Variants in LDB3 observed in about 807,000 individuals in gnomAD.
LDB3 encodes the protein LIM domain-binding protein 3.
A neutral mutation model predicts 69.0 loss-of-function variants in LDB3; 49 were observed. That is an observed-to-expected ratio of 0.71 (90% CI 0.56 to 0.90). The LOEUF is 0.90. Among genes scored for constraint, LDB3 ranks in the 40% least tolerant of loss-of-function variants. The pLI is 0.00. For missense variants in LDB3, 928 were observed against 974.1 expected, an observed-to-expected ratio of 0.95 and a Z score of 0.63; for synonymous variants, 387 against 396.2, an observed-to-expected ratio of 0.98 and a Z score of 0.28.
intron 7 of LDB3, among the ~76,000 whole-genome samples, chr10:86,706,025 C>T: frequency 6.6e-6 from 1 of 152,170 alleles, no homozygotes; most frequent in East Asian, 1.9e-4. Context: ...GCCCTGAGTC[C>T]TTCCGAGCCC....
intron 7 of LDB3, 92 bp from the exon 8 acceptor site, chr10:86,706,439 C>T: frequency 7.2e-7 from 1 of 1,381,896 alleles, no homozygotes; most frequent in Non-Finnish European, 1.0e-6. Flanking sequence ...GCCCAGCCTG[C>T]CTCTGCTGCA....
chr10:86,686,084 G>A (rs1261882588), intron 5 of LDB3, among the ~76,000 whole-genome samples: 1 of 152,174 alleles, frequency 6.6e-6, no homozygotes, highest in African/African-American at 2.4e-5. Context: ...ACTGGATCTT[G>A]TCTGCCCGGG....
chr10:86,675,656 A>G (rs1294609663), intron 2 of LDB3, among the ~76,000 whole-genome samples: 2 of 152,262 alleles, frequency 1.3e-5, no homozygotes, highest in Non-Finnish European at 2.9e-5. Context: ...CGCCCTGGAA[A>G]GAAGTATGCT....
chr10:86,733,918 A>G lies in LDB3; in HGVS notation c.*942A>G, dbSNP rs1203800754. On this transcript the variant is annotated 3_prime_UTR_variant, in exon 14 of 14. Transcript: ENST00000361373. ...GCTCACTTATGACGTCTCCCCCAGT[A>G]CCCTCCATCTCAAATAGGCTTGGTG... 6.6e-6 allele frequency: 1 copy of G among 152,044 alleles called. No homozygotes were observed. Among genetic ancestry groups the G allele is most frequent in the Non-Finnish European group, 1.5e-5 (1 of 68,034 alleles). The allele number at this position is 152,044 out of a possible 1,614,324, so 9.4% of individuals were successfully genotyped here.
intron 7 of LDB3, among the ~76,000 whole-genome samples, chr10:86,693,040 T>C (rs1199361243): frequency 6.6e-6 from 1 of 152,148 alleles, no homozygotes; most frequent in Non-Finnish European, 1.5e-5. Flanking sequence ...CAGACCCACA[T>C]TGAGGTACCA....
At chr10:86,708,697 C>T (rs1257540489) in intron 8 of LDB3, among the ~76,000 whole-genome samples, 1 of 152,204 alleles carries the variant, frequency 6.6e-6, no homozygotes, top group Non-Finnish European at 1.5e-5. Context: ...GCCAGAAACT[C>T]GGCAGCTTGA....
Position 86,674,267 on chromosome 10 carries a change from C to T in LDB3, c.94-5100C>T, listed in dbSNP as rs138578947. 2.9e-3 allele frequency among the ~76,000 whole-genome samples: 436 copies of T among 152,306 alleles called. 2 individuals are homozygous for T. Among genetic ancestry groups the T allele is most frequent in the Non-Finnish European group, 4.2e-3 (287 of 68,032 alleles). On this transcript the variant is annotated intron_variant, in intron 2 of 13. Coordinates refer to ENST00000361373, the MANE Select transcript of LDB3 (RefSeq NM_007078.3). ...AACGACATAATCCTCACAACAATCC[C>T]GAGAAAGGCATTGTCATTCTCTTGA... is the stretch of plus-strand genomic sequence containing the variant.
At chr10:86,669,992 G>A (rs1844370725) in intron 2 of LDB3, among the ~76,000 whole-genome samples, 1 of 152,008 alleles carries the variant, frequency 6.6e-6, no homozygotes, top group South Asian at 2.1e-4. Flanking sequence ...AACCTGGGCA[G>A]CGGGTCAGGA....
In LDB3 at chr10:86,681,421, C is replaced by T. The variant is rs745496095; in HGVS notation, c.322-15C>T. The T allele has an allele frequency of 4.4e-6, 7 of 1,600,028 alleles. No homozygotes were observed. The East Asian group carries it at 1.3e-4, about 31-fold the overall frequency. Reference sequence around the variant, plus strand: ...GCTCTCTTCTCTCTCCCCTGCATGGCCTGCCCTGTGCCAGGACCCCGCTCT... The same window carrying T: ...GCTCTCTTCTCTCTCCCCTGCATGGTCTGCCCTGTGCCAGGACCCCGCTCT... On this transcript the variant is annotated splice_polypyrimidine_tract_variant and intron_variant, in intron 4 of 13. Coordinates refer to ENST00000361373, the MANE Select transcript of LDB3 (RefSeq NM_007078.3).
intron 3 of LDB3, among the ~76,000 whole-genome samples, chr10:86,679,837 C>T (rs1419760953): frequency 2.0e-5 from 3 of 152,204 alleles, no homozygotes; most frequent in South Asian, 4.1e-4. Flanking sequence ...AGTGACGTAG[C>T]AGGGGCCCAT....
intron 9 of LDB3, among the ~76,000 whole-genome samples, chr10:86,713,615 T>TTA (rs1418852745): frequency 6.6e-6 from 1 of 152,136 alleles, no homozygotes; most frequent in African/African-American, 2.4e-5. Context: ...CAGAACCCCC[T>TTA]TATATATAAC....
rs368053281 is a variant in LDB3, at chr10:86,706,626, C to T, written c.992C>T (p.Ala331Val). Residue 331 changes from alanine to valine, a missense_variant, in exon 8 of 14, where the codon GCG (alanine) becomes GTG (valine). By Grantham distance (64) the Ala-to-Val change is moderately conservative (BLOSUM62 0). Transcript: ENST00000361373. ...AQPPAAASPS[A>V]ASPPLATAAA... is the part of the protein sequence containing the mutation. ...CCACCTGCTGCTGCCTCTCCCAGTGCGGCTTCGCCACCCCTGGCCACAGCT... is the reference window on the plus strand; with the variant it reads ...CCACCTGCTGCTGCCTCTCCCAGTGTGGCTTCGCCACCCCTGGCCACAGCT... 93 of 1,613,176 alleles carry T rather than the reference C, an allele frequency of 5.8e-5. 1 individual carries two copies. Among genetic ancestry groups the T allele is most frequent in the East Asian group, 2.0e-4 (9 of 44,878 alleles).
intron 7 of LDB3, among the ~76,000 whole-genome samples, chr10:86,702,325 C>T (rs1449605984): frequency 1.3e-5 from 2 of 152,148 alleles, no homozygotes; most frequent in South Asian, 4.2e-4. Context: ...CCAGCATCAC[C>T]ACCACCATTC....
At chr10:86,717,874 G>A in intron 10 of LDB3, 90 bp from the exon 11 acceptor site, 2 of 1,234,494 alleles carry the variant, frequency 1.6e-6, no homozygotes, top group Non-Finnish European at 2.3e-6. Flanking sequence ...GAGTTATTGG[G>A]TAAAAGTATA....
rs1430882963 is a variant in LDB3, at chr10:86,699,221, TTC to T, written c.896+6652_896+6653del. 1 of 1,577,184 alleles carries T rather than the reference TTC, an allele frequency of 6.3e-7. No individual in the cohort carries two copies. Among genetic ancestry groups the T allele is most frequent in the Non-Finnish European group, 8.6e-7 (1 of 1,161,216 alleles). On this transcript the variant is annotated intron_variant, in intron 7 of 13. Coordinates refer to ENST00000361373, the MANE Select transcript of LDB3 (RefSeq NM_007078.3). This position sits in a 1 kb window ranked among gnomAD's most constrained non-coding sequence, Gnocchi z 4.9. The stretch of plus-strand genomic sequence containing the variant: ...TTCATTCTCCCTCTCTTCTCTCTCT[TTC>T]TGTCTCTGTCTCTGTTTCTCTCTCT...
In LDB3 at chr10:86,734,367, T is replaced by C. The variant is rs1277970223; in HGVS notation, c.*1391T>C. ...AAAGAAGGCAGCTTAGATTCTGTGG[T>C]TGGAAACAGTGTAGTCGCTTCCCTT... is the stretch of plus-strand genomic sequence containing the variant. On this transcript the variant is annotated 3_prime_UTR_variant, in exon 14 of 14. Coordinates refer to ENST00000361373, the MANE Select transcript of LDB3 (RefSeq NM_007078.3). The C allele has an allele frequency of 6.6e-6, 1 of 152,204 alleles. No homozygotes were observed. Among genetic ancestry groups the C allele is most frequent in the Non-Finnish European group, 1.5e-5 (1 of 68,038 alleles). The allele number at this position is 152,204 out of a possible 1,614,324, so 9.4% of individuals were successfully genotyped here. A position where few individuals can be genotyped will look rare whatever the true frequency, so the allele number is the denominator to read the frequency against.
At chr10:86,696,304 A>G (rs1159168776) in intron 7 of LDB3, among the ~76,000 whole-genome samples, 5 of 150,772 alleles carry the variant, frequency 3.3e-5, no homozygotes, top group Non-Finnish European at 5.9e-5. Context: ...TAAGAAAGCA[A>G]TGAAAAAATT....
chr10:86,692,007 C>T lies in LDB3; in HGVS notation c.801C>T (p.Ser267=). 1 of 1,614,204 alleles carries T rather than the reference C, an allele frequency of 6.2e-7. No homozygotes were observed. Among genetic ancestry groups the T allele is most frequent in the Non-Finnish European group, 8.5e-7 (1 of 1,180,058 alleles). ...AGGCTGACGAGTGGGCACGCCGTTC[C>T]TCCAACCTGCAGTCTCGCTCCTTCC... ...EDEADEWARR[S]SNLQSRSFRI... The change falls in exon 6 of 14, where the codon TCC becomes TCT. Residue 267 remains serine (S), a synonymous_variant. Coordinates refer to ENST00000361373, the MANE Select transcript of LDB3 (RefSeq NM_007078.3).
chr10:86,718,716 C>T lies in LDB3; in HGVS notation c.1858-11C>T. On this transcript the variant is annotated splice_polypyrimidine_tract_variant and intron_variant, in intron 11 of 13. Coordinates refer to ENST00000361373, the MANE Select transcript of LDB3 (RefSeq NM_007078.3). ...CTCCTTTCTGTCCTGAGCTTAGGCT[C>T]TTTCCCCCAGGAAGTAATGCATGCC... The T allele has an allele frequency of 6.2e-7, 1 of 1,614,168 alleles. No homozygotes were observed. The highest frequency in any genetic ancestry group is 8.5e-7 in the Non-Finnish European group (1 of 1,180,026).
Sources: gnomAD v4.1 joint callset for allele counts (sites outside exome capture counted in the v4.1 genomes callset) on GRCh38, gnomAD v4.1.1 for gene constraint, Gnocchi (gnomAD v3.1) non-coding constraint, MANE v1.5 for transcripts, NCBI Gene and HGNC (gene_info 2026-07-23, HGNC 2026-07-21) for gene names.